Variants in ERI1 observed in about 807,000 individuals in gnomAD.
ERI1 encodes the protein exoribonuclease 1.
Under a neutral mutation model 39.7 loss-of-function variants are expected in ERI1, and 39 were observed. That is an observed-to-expected ratio of 0.98 (90% CI 0.76 to 1.28). The LOEUF (loss-of-function observed/expected upper bound fraction) is 1.28, where lower values mean the gene tolerates loss of function less well. ERI1 is among the 50% of genes most tolerant of loss of function. The pLI is 0.00. For missense variants in ERI1, 581 were observed against 416.9 expected, an observed-to-expected ratio of 1.39 and a Z score of -3.43; for synonymous variants, 204 against 149.6, an observed-to-expected ratio of 1.36 and a Z score of -2.65.
chr8:9,009,426 T>A (rs994520261), intron 2 of ERI1, among the ~76,000 whole-genome samples: 1 of 152,134 alleles, frequency 6.6e-6, no homozygotes, highest in African/African-American at 2.4e-5. Flanking sequence ...GGCAAAAAAA[T>A]AACAGAAACT....
At chr8:9,096,182 T>C (rs1799872383) in intron 3 of ERI1, among the ~76,000 whole-genome samples, 1 of 152,262 alleles carries the variant, frequency 6.6e-6, no homozygotes, top group South Asian at 2.1e-4. Context: ...TATTTGGCTT[T>C]AGCCTTGAAT....
At chr8:9,090,325 C>T (rs558653980) in intron 3 of ERI1, among the ~76,000 whole-genome samples, 27 of 152,266 alleles carry the variant, frequency 1.8e-4, no homozygotes, top group African/African-American at 6.3e-4. Context: ...CCAACTTGTT[C>T]TGTTTCTCCA....
chr8:9,078,646 G>A (rs879678945), intron 3 of ERI1, among the ~76,000 whole-genome samples: 10 of 152,128 alleles, frequency 6.6e-5, no homozygotes, highest in Admixed American at 6.5e-4. Flanking sequence ...GGAAGCCAGA[G>A]ACCAAGTCAT....
intron 3 of ERI1, among the ~76,000 whole-genome samples, chr8:9,095,322 C>G (rs1391149069): frequency 6.6e-6 from 1 of 151,968 alleles, no homozygotes; most frequent in Non-Finnish European, 1.5e-5. Flanking sequence ...AACATGGTAC[C>G]CAGTAGATAT....
chr8:9,078,162 GT>G (rs1799265179), intron 3 of ERI1, among the ~76,000 whole-genome samples: 1 of 151,942 alleles, frequency 6.6e-6, no homozygotes, highest in South Asian at 2.1e-4. Flanking sequence ...GCTAATTTTT[GT>G]ATTTTTAGTA....
At chr8:9,038,088 T>G (rs1010938682), downstream of ERI1, among the ~76,000 whole-genome samples, 7 of 152,318 alleles carry the variant, frequency 4.6e-5, no homozygotes, top group African/African-American at 1.4e-4. Context: ...AGTATAAATA[T>G]TGACATTTAA....
intron 3 of ERI1, among the ~76,000 whole-genome samples, chr8:9,043,164 G>A (rs777953738): frequency 1.3e-5 from 2 of 152,146 alleles, no homozygotes; most frequent in Non-Finnish European, 2.9e-5. Flanking sequence ...CTACTTCTTC[G>A]TGTATAATTG....
intron 4 of ERI1, among the ~76,000 whole-genome samples, chr8:9,016,722 G>C (rs930445023): frequency 2.5e-4 from 38 of 152,202 alleles, no homozygotes; most frequent in African/African-American, 8.7e-4. Flanking sequence ...GTCTCACTCT[G>C]TCACCCAGGC....
chr8:9,068,948 G>A (rs554226291), intron 3 of ERI1, among the ~76,000 whole-genome samples: 19 of 152,192 alleles, frequency 1.2e-4, no homozygotes, highest in Non-Finnish European at 2.2e-4. Context: ...CTCCCTAGTA[G>A]CTGGGACTAC....
chr8:9,084,951 A>C (rs946663764), intron 3 of ERI1, among the ~76,000 whole-genome samples: 1 of 152,186 alleles, frequency 6.6e-6, no homozygotes, highest in African/African-American at 2.4e-5. Context: ...ACCTTATAGC[A>C]GTCGTTTCCA....
At chr8:9,089,245 C>T (rs1407326136) in intron 3 of ERI1, among the ~76,000 whole-genome samples, 1 of 152,152 alleles carries the variant, frequency 6.6e-6, no homozygotes, top group Non-Finnish European at 1.5e-5. Flanking sequence ...CCAGACCATT[C>T]TCACCTTCTT....
At chr8:9,088,578 C>T (rs1019307963) in intron 3 of ERI1, 1 of 152,186 alleles carries the variant, frequency 6.6e-6, no homozygotes, top group Non-Finnish European at 1.5e-5. Flanking sequence ...CAGTGAGTAT[C>T]TCTCTGTGTG....
intron 6 of ERI1, among the ~76,000 whole-genome samples, chr8:9,028,381 C>T (rs1359105584): frequency 6.6e-6 from 1 of 152,090 alleles, no homozygotes. Context: ...AGTGCGTTTT[C>T]CAAGTGATAA....
At chr8:9,077,058 G>A (rs1799231626) in intron 3 of ERI1, among the ~76,000 whole-genome samples, 1 of 152,238 alleles carries the variant, frequency 6.6e-6, no homozygotes, top group East Asian at 1.9e-4. Context: ...ACGCATGCCA[G>A]TGTTACTTAT....
intron 3 of ERI1, among the ~76,000 whole-genome samples, chr8:9,048,714 A>T (rs1798257224): frequency 6.6e-6 from 1 of 152,198 alleles, no homozygotes; most frequent in Non-Finnish European, 1.5e-5. Context: ...GTGCAATCAT[A>T]GTTGACTGCA....
chr8:9,028,999 ACTTAT>A (rs1164626561), intron 6 of ERI1, among the ~76,000 whole-genome samples: 6 of 134,218 alleles, frequency 4.5e-5, no homozygotes, highest in Non-Finnish European at 7.8e-5. Flanking sequence ...TTTTTTTTTA[ACTTAT>A]CAAGGAACAG....
At chr8:9,063,652 A>G (rs1482785847) in intron 3 of ERI1, among the ~76,000 whole-genome samples, 1 of 152,096 alleles carries the variant, frequency 6.6e-6, no homozygotes, top group Admixed American at 6.5e-5. Flanking sequence ...TGGGGAACAG[A>G]GACTAGGGAG....
chr8:9,003,972 T>A, intron 1 of ERI1: 1 of 722,978 alleles, frequency 1.4e-6, no homozygotes, highest in South Asian at 1.4e-5. Context: ...TGAATTTGGC[T>A]TATTCCCCTC....
rs76553485 is a variant in ERI1, at chr8:9,012,648, A to G, written c.498+896A>G. The stretch of plus-strand genomic sequence containing the variant: ...GGCAAATAATCTTGCATAAGTCACT[A>G]GATTTTACTTCTCTCTTACTCAAGG... On this transcript the variant is annotated intron_variant, in intron 3 of 6. Coordinates refer to ENST00000250263, the MANE Select transcript of ERI1 (RefSeq NM_153332.4). Among the ~76,000 whole-genome samples the G allele has an allele frequency of 8.8e-3, 1,347 of 152,324 alleles. 20 individuals carry two copies. Among genetic ancestry groups the G allele is most frequent in the African/African-American group, 0.031 (1,293 of 41,564 alleles).
Sources: allele counts gnomAD v4.1 joint callset (sites outside exome capture counted in the v4.1 genomes callset), GRCh38; gene constraint gnomAD v4.1.1; transcripts MANE v1.5; gene names NCBI Gene and HGNC (gene_info 2026-07-23, HGNC 2026-07-21).